TMTC1: variants seen among roughly 807,000 people sequenced by gnomAD.
TMTC1 encodes protein O-mannosyl-transferase TMTC1.
A neutral mutation model predicts 104.8 loss-of-function variants in TMTC1; 73 were observed. That is an observed-to-expected ratio of 0.70 (90% CI 0.58 to 0.85). The LOEUF is 0.85. Among genes scored for constraint, TMTC1 ranks in the 40% least tolerant of loss-of-function variants. The probability of loss-of-function intolerance (pLI) is 0.00; values close to 1 mark genes in which losing one functional copy is unlikely to be tolerated. For missense variants in TMTC1, 1,035 were observed against 1,096.1 expected (o/e 0.94, Z 0.79); for synonymous variants, 434 against 428.7 (o/e 1.01, Z -0.15).
At chr12:29,563,601 C>G (rs1049251830) in intron 9 of TMTC1, among the ~76,000 whole-genome samples, 1 of 152,070 alleles carries the variant, frequency 6.6e-6, no homozygotes, top group African/African-American at 2.4e-5. Flanking sequence ...CAGTTCTGCA[C>G]AAAGAAAAGT....
chr12:29,746,767 G>A (rs1306996644), intron 5 of TMTC1, among the ~76,000 whole-genome samples: 1 of 152,086 alleles, frequency 6.6e-6, no homozygotes, highest in East Asian at 1.9e-4. Context: ...CTATGTGCAA[G>A]GTATTTACAG....
At chr12:29,737,454 C>A (rs1003225753) in intron 5 of TMTC1, among the ~76,000 whole-genome samples, 2 of 152,000 alleles carry the variant, frequency 1.3e-5, no homozygotes, top group Non-Finnish European at 2.9e-5. Context: ...GCGGGGGTTG[C>A]GGTGAGCCCA....
chr12:29,750,709 A>G (rs1428569869), intron 5 of TMTC1, among the ~76,000 whole-genome samples: 1 of 152,240 alleles, frequency 6.6e-6, no homozygotes, highest in Non-Finnish European at 1.5e-5. Context: ...TGGAATTTCC[A>G]TATGTTAAAC....
intron 15 of TMTC1, among the ~76,000 whole-genome samples, chr12:29,514,823 G>A (rs1482994586): frequency 2.6e-5 from 4 of 152,178 alleles, no homozygotes; most frequent in Admixed American, 6.5e-5. Context: ...GATCAGTCTG[G>A]GCAACATGGT....
At chr12:29,641,975 A>G (rs2136544593) in intron 5 of TMTC1, among the ~76,000 whole-genome samples, 1 of 152,306 alleles carries the variant, frequency 6.6e-6, no homozygotes, top group East Asian at 1.9e-4. Context: ...ATAATTGAAC[A>G]AGTAGAAGAA....
At chr12:29,778,025 T>C (rs1943752103) in intron 1 of TMTC1, among the ~76,000 whole-genome samples, 1 of 152,216 alleles carries the variant, frequency 6.6e-6, no homozygotes, top group Non-Finnish European at 1.5e-5. Flanking sequence ...TGCAAACTAC[T>C]GCAAAAAACC....
At chr12:29,741,157 A>G (rs1226323703) in intron 5 of TMTC1, among the ~76,000 whole-genome samples, 2 of 152,258 alleles carry the variant, frequency 1.3e-5, no homozygotes. Context: ...TCTTTTTTAA[A>G]TATTGACATT....
intron 5 of TMTC1, among the ~76,000 whole-genome samples, chr12:29,646,346 A>AT (rs1939267291): frequency 6.6e-6 from 1 of 152,182 alleles, no homozygotes; most frequent in African/African-American, 2.4e-5. Flanking sequence ...CAGGCTTGGC[A>AT]TTTTTTTCAG....
At chr12:29,632,421 C>T (rs961118176) in intron 6 of TMTC1, among the ~76,000 whole-genome samples, 3 of 152,170 alleles carry the variant, frequency 2.0e-5, no homozygotes, top group African/African-American at 7.2e-5. Flanking sequence ...CAGTTTCCCC[C>T]ATTCTGCTCC....
At chr12:29,658,399 T>C (rs1439935436) in intron 5 of TMTC1, 3 of 152,250 alleles carry the variant, frequency 2.0e-5, no homozygotes, top group Non-Finnish European at 4.4e-5. Context: ...TCATAGGGGA[T>C]AGGTTCCAGT....
intron 5 of TMTC1, among the ~76,000 whole-genome samples, chr12:29,680,855 T>C (rs1940890501): frequency 6.6e-6 from 1 of 152,136 alleles, no homozygotes. Context: ...CCCAGCACTT[T>C]GGGAGGCCGA....
chr12:29,676,838 C>A (rs1376386433), intron 5 of TMTC1, among the ~76,000 whole-genome samples: 2 of 152,176 alleles, frequency 1.3e-5, no homozygotes, highest in South Asian at 4.1e-4. Flanking sequence ...AACCCTGAAG[C>A]CAGGCCATAT....
At chr12:29,687,308 T>C (rs1417960722) in intron 5 of TMTC1, among the ~76,000 whole-genome samples, 1 of 152,232 alleles carries the variant, frequency 6.6e-6, no homozygotes, top group Admixed American at 6.5e-5. Flanking sequence ...CTATGACTTC[T>C]GCAGTATTCT....
At chr12:29,676,023 C>A (rs535586335) in intron 5 of TMTC1, among the ~76,000 whole-genome samples, 1 of 152,158 alleles carries the variant, frequency 6.6e-6, no homozygotes, top group Non-Finnish European at 1.5e-5. Flanking sequence ...ATCAAGCTTA[C>A]GCCATTAATT....
At chr12:29,599,031 C>T (rs183989218) in intron 7 of TMTC1, among the ~76,000 whole-genome samples, 58 of 152,328 alleles carry the variant, frequency 3.8e-4, no homozygotes, top group African/African-American at 1.4e-3. Flanking sequence ...TAAAGTAGCA[C>T]AGGAATTTGC....
chr12:29,524,804 A>T lies in TMTC1; in HGVS notation c.1786-4084T>A, dbSNP rs559184246. 3.3e-5 allele frequency among the ~76,000 whole-genome samples: 5 copies of T among 152,308 alleles called. No homozygotes were observed. The East Asian group carries it at 7.7e-4, about 24-fold the overall frequency. On this transcript the variant is annotated intron_variant, in intron 11 of 17. Coordinates refer to ENST00000539277, the MANE Select transcript of TMTC1 (RefSeq NM_001193451.2). ...CCTGAATCTTTTCTACCCAGGCATA[A>T]GACTGTCAATGTATAATGCTGGCTG...
At position 29,693,228 on chromosome 12, in the gene TMTC1, T is replaced by C. The variant is rs559666201; in HGVS notation, c.938+58438A>G. 4.2e-4 allele frequency among the ~76,000 whole-genome samples: 61 copies of C among 145,100 alleles called. 9 individuals are homozygous for C. The highest frequency in any genetic ancestry group is 1.3e-3 in the African/African-American group (51 of 39,768). On this transcript the variant is annotated intron_variant, in intron 5 of 17. Transcript: ENST00000539277. ...AAGTTTTGAAAATGTTCAAAGTTCT[T>C]GTTTTTTAAAATTGACACATAATAA... is the stretch of plus-strand genomic sequence containing the variant.
At chr12:29,741,698 G>A (rs539345798) in intron 5 of TMTC1, among the ~76,000 whole-genome samples, 2 of 152,266 alleles carry the variant, frequency 1.3e-5, no homozygotes, top group South Asian at 4.1e-4. Context: ...ACTTTCCATT[G>A]TTCAGGTTTT....
intron 17 of TMTC1, among the ~76,000 whole-genome samples, chr12:29,508,385 A>G (rs1943746662): frequency 6.6e-6 from 1 of 152,184 alleles, no homozygotes; most frequent in African/African-American, 2.4e-5. Flanking sequence ...AGACAACTAT[A>G]CATTTCTGGG....
Sources: gnomAD v4.1 joint callset for allele counts (sites outside exome capture counted in the v4.1 genomes callset) on GRCh38, gnomAD v4.1.1 for gene constraint, MANE v1.5 for transcripts, NCBI Gene and HGNC (gene_info 2026-07-23, HGNC 2026-07-21) for gene names.